SLC7A11: variants seen among roughly 807,000 people sequenced by gnomAD.
SLC7A11 encodes the protein cystine/glutamate transporter.
A neutral mutation model predicts 54.5 loss-of-function variants in SLC7A11; 35 were observed. That is an observed-to-expected ratio of 0.64 (90% confidence interval 0.49 to 0.85). The LOEUF is 0.85. Among genes scored for constraint, SLC7A11 ranks in the 40% least tolerant of loss-of-function variants. The pLI is 0.00. For synonymous variants in SLC7A11, 230 were observed against 225.2 expected, an observed-to-expected ratio of 1.02 and a Z score of -0.19; for missense variants, 583 against 618.1, an observed-to-expected ratio of 0.94 and a Z score of 0.60.
chr4:138,196,582 A>C (rs1437154384), intron 6 of SLC7A11, among the ~76,000 whole-genome samples: 1 of 152,138 alleles, frequency 6.6e-6, no homozygotes. Context: ...ACCATGGGGA[A>C]AAAAAGACTT....
At chr4:138,190,877 T>A (rs1736993411) in intron 6 of SLC7A11, among the ~76,000 whole-genome samples, 1 of 152,062 alleles carries the variant, frequency 6.6e-6, no homozygotes, top group South Asian at 2.1e-4. Context: ...ATGAAAAAAA[T>A]TGGACTACAG....
intron 6 of SLC7A11, among the ~76,000 whole-genome samples, chr4:138,187,044 C>T (rs549242800): frequency 6.6e-6 from 1 of 152,172 alleles, no homozygotes; most frequent in African/African-American, 2.4e-5. Context: ...GTAACCTATC[C>T]AAAACAGAGA....
chr4:138,218,338 A>G (rs924968985), intron 5 of SLC7A11, among the ~76,000 whole-genome samples: 2 of 152,232 alleles, frequency 1.3e-5, no homozygotes, highest in Non-Finnish European at 2.9e-5. Context: ...TATAACAATG[A>G]GATTTATAGA....
intron 6 of SLC7A11, among the ~76,000 whole-genome samples, chr4:138,213,250 C>A (rs904521332): frequency 6.6e-6 from 1 of 151,970 alleles, no homozygotes; most frequent in African/African-American, 2.4e-5. Context: ...AATAAAATGG[C>A]CTTTCACATG....
chr4:138,234,465 T>C (rs1176871858), intron 2 of SLC7A11, among the ~76,000 whole-genome samples: 1 of 152,152 alleles, frequency 6.6e-6, no homozygotes, highest in Non-Finnish European at 1.5e-5. Context: ...GCAATATGAG[T>C]ATGTTATGAC....
At chr4:138,213,083 C>T (rs973553569) in intron 6 of SLC7A11, among the ~76,000 whole-genome samples, 32 of 151,974 alleles carry the variant, frequency 2.1e-4, no homozygotes, top group African/African-American at 7.7e-4. Flanking sequence ...GGCAGGCCAA[C>T]CTATTTATCT....
At chr4:138,174,843 T>A (rs963478815) in intron 11 of SLC7A11, 22 of 152,340 alleles carry the variant, frequency 1.4e-4, no homozygotes, top group African/African-American at 5.0e-4. Context: ...ACCTTTCATG[T>A]TCAGTAGTTA....
intron 3 of SLC7A11, among the ~76,000 whole-genome samples, chr4:138,226,345 T>A (rs149878591): frequency 1.6e-4 from 25 of 152,196 alleles, no homozygotes; most frequent in Non-Finnish European, 3.4e-4. Flanking sequence ...TACATCACAC[T>A]TTATCAAACT....
In SLC7A11 at chr4:138,242,125, C is replaced by A; in HGVS notation, c.-56G>T. 1.3e-6 allele frequency: 2 copies of A among 1,563,158 alleles called. No homozygotes were observed. Among genetic ancestry groups the A allele is most frequent in the South Asian group, 1.2e-5 (1 of 86,404 alleles). On this transcript the variant is annotated 5_prime_UTR_variant, in exon 1 of 12. Transcript: ENST00000280612. ...GAGGGAAAGAAAACAAAACTTTCAA[C>A]TTTGGTGTCTCTTGGTGTTACTGAT...
intron 6 of SLC7A11, among the ~76,000 whole-genome samples, chr4:138,186,424 C>T (rs1055366693): frequency 2.0e-5 from 3 of 152,224 alleles, no homozygotes; most frequent in Admixed American, 6.5e-5. Context: ...CACATTATAC[C>T]GAACAGCGAT....
intron 6 of SLC7A11, among the ~76,000 whole-genome samples, chr4:138,198,613 G>A (rs1737197642): frequency 6.6e-6 from 1 of 152,078 alleles, no homozygotes; most frequent in Non-Finnish European, 1.5e-5. Context: ...ATCCACTTTG[G>A]AAAGCAACTT....
At chr4:138,233,718 C>A (rs950076271) in intron 2 of SLC7A11, among the ~76,000 whole-genome samples, 1 of 152,176 alleles carries the variant, frequency 6.6e-6, no homozygotes, top group African/African-American at 2.4e-5. Flanking sequence ...ATCATTTATA[C>A]AATTTTTTAT....
In SLC7A11 at chr4:138,169,161, A is replaced by G. The variant is rs1736345699; in HGVS notation, c.*2795T>C. 1 of 152,036 alleles carries G rather than the reference A, an allele frequency of 6.6e-6. No individual in the cohort carries two copies. The highest frequency in any genetic ancestry group is 2.4e-5 in the African/African-American group (1 of 41,374). The allele number at this position is 152,036 out of a possible 1,614,324, so 9.4% of individuals were successfully genotyped here. A position where few individuals can be genotyped will look rare whatever the true frequency, so the allele number is the denominator to read the frequency against. ...TACAAAGTACAAGTACAGAACATGT[A>G]GTAAGTAGTATGTGCATGTATGTGT... On this transcript the variant is annotated 3_prime_UTR_variant, in exon 12 of 12. Coordinates refer to ENST00000280612, the MANE Select transcript of SLC7A11 (RefSeq NM_014331.4).
At chr4:138,174,250 C>G (rs1736509865) in intron 11 of SLC7A11, among the ~76,000 whole-genome samples, 1 of 152,208 alleles carries the variant, frequency 6.6e-6, no homozygotes, top group Admixed American at 6.5e-5. Context: ...TGCCTCCATT[C>G]AGACAAATGA....
chr4:138,216,021 G>C (rs908380251), intron 5 of SLC7A11, among the ~76,000 whole-genome samples: 2 of 152,192 alleles, frequency 1.3e-5, no homozygotes, highest in African/African-American at 4.8e-5. Flanking sequence ...GAAGGAGAAA[G>C]CTTCTTGTTT....
Position 138,185,109 on chromosome 4 carries a change from A to C in SLC7A11, c.915+12T>G. 1 of 1,612,466 alleles carries C rather than the reference A, an allele frequency of 6.2e-7. No homozygotes were observed. Among genetic ancestry groups the C allele is most frequent in the Non-Finnish European group, 8.5e-7 (1 of 1,178,880 alleles). On this transcript the variant is annotated intron_variant, in intron 7 of 11. Transcript: ENST00000280612. ...CTAAATTCCAATTGGCATTTTCCCA[A>C]CTTGGACTTACCACTGCCACTGCAT...
Position 138,242,261 on chromosome 4 carries a change from AC to A in SLC7A11, c.-193del. On this transcript the variant is annotated 5_prime_UTR_variant, in exon 1 of 12. It introduces an in-frame stop codon into an upstream open reading frame of the 5' UTR. Transcript: ENST00000280612. Reference sequence around the variant, plus strand: ...AGCGATCTAATTACTACTCAGAAACACCTGTGTATGCATCGTGCTCTCAATT... The same window carrying A: ...AGCGATCTAATTACTACTCAGAAACACTGTGTATGCATCGTGCTCTCAATT... 8.0e-6 allele frequency: 5 copies of A among 625,082 alleles called. No individual in the cohort carries two copies. The highest frequency in any genetic ancestry group is 6.3e-4 in the Middle Eastern group (2 of 3,194). 38.7% of individuals were successfully genotyped at this position (625,082 alleles called of 1,614,324 possible). A position where few individuals can be genotyped will look rare whatever the true frequency, so the allele number is the denominator to read the frequency against.
At chr4:138,238,418 C>T (rs1038476624) in intron 1 of SLC7A11, among the ~76,000 whole-genome samples, 2 of 152,090 alleles carry the variant, frequency 1.3e-5, no homozygotes, top group African/African-American at 4.8e-5. Context: ...TGTAAGAACA[C>T]AATTTTTTTC....
intron 6 of SLC7A11, among the ~76,000 whole-genome samples, chr4:138,191,237 T>A (rs1737007075): frequency 1.3e-5 from 2 of 152,170 alleles, no homozygotes; most frequent in Admixed American, 6.5e-5. Flanking sequence ...TGCACAGTGA[T>A]CTCACTGATT....
Sources: gnomAD v4.1 joint callset for allele counts (sites outside exome capture counted in the v4.1 genomes callset) on GRCh38, gnomAD v4.1.1 for gene constraint, MANE v1.5 for transcripts, NCBI Gene and HGNC (gene_info 2026-07-23, HGNC 2026-07-21) for gene names.